The following NELL1 variants were observed in gnomAD, a reference collection of about 807,000 sequenced individuals.
NELL1 encodes neural EGFL like 1.
A neutral mutation model predicts 107.4 loss-of-function variants in NELL1; 76 were observed. That is an observed-to-expected ratio of 0.71 (90% CI 0.59 to 0.86). NELL1 has a LOEUF of 0.86. NELL1 is among the 40% of genes least tolerant of loss of function. The probability of loss-of-function intolerance (pLI) is 0.00; values close to 1 mark genes in which losing one functional copy is unlikely to be tolerated. For synonymous variants in NELL1, 353 were observed against 341.2 expected (o/e 1.03, Z -0.38); for missense variants, 1,024 against 1,005.5 (o/e 1.02, Z -0.25).
At chr11:21,171,118 T>C (rs1000937587) in intron 13 of NELL1, among the ~76,000 whole-genome samples, 1 of 151,858 alleles carries the variant, frequency 6.6e-6, no homozygotes, top group Non-Finnish European at 1.5e-5. Context: ...TTTCCTAATA[T>C]TCTGAAACAT....
At chr11:21,565,952 T>C (rs1230789763) in intron 17 of NELL1, among the ~76,000 whole-genome samples, 1 of 151,952 alleles carries the variant, frequency 6.6e-6, no homozygotes, top group Non-Finnish European at 1.5e-5. Flanking sequence ...AATAGGTGCG[T>C]CTAGATTACC....
Position 20,812,006 on chromosome 11 carries a change from T to C in NELL1, c.335+28176T>C, listed in dbSNP as rs753503483. On this transcript the variant is annotated intron_variant, in intron 3 of 19. Transcript: ENST00000357134. ...AAGTGGTGATAGATTGTCCAGATTA[T>C]CTTGTTCCAGATTGTAGAGAGAAAG... 1.5e-4 allele frequency among the ~76,000 whole-genome samples: 23 copies of C among 152,306 alleles called. No homozygotes were observed. In the South Asian group the frequency reaches 4.8e-3, roughly 32 times the overall value.
chr11:21,552,191 G>T (rs1161846378), intron 16 of NELL1, among the ~76,000 whole-genome samples: 1 of 150,230 alleles, frequency 6.7e-6, no homozygotes, highest in African/African-American at 2.4e-5. Context: ...AATGCTAAAT[G>T]ACGAGTTAAT....
intron 13 of NELL1, among the ~76,000 whole-genome samples, chr11:21,196,470 G>T (rs1196810854): frequency 6.6e-6 from 1 of 151,934 alleles, no homozygotes; most frequent in East Asian, 1.9e-4. Flanking sequence ...CATTCCTCTG[G>T]CTAGAATGCT....
intron 5 of NELL1, among the ~76,000 whole-genome samples, chr11:20,907,993 G>C (rs921627844): frequency 3.3e-5 from 5 of 152,004 alleles, no homozygotes; most frequent in African/African-American, 1.2e-4. Context: ...AAATCAAAAT[G>C]ATAATGAGAT....
chr11:21,326,541 T>C (rs1590839749), intron 14 of NELL1, among the ~76,000 whole-genome samples: 2 of 152,090 alleles, frequency 1.3e-5, no homozygotes, highest in Non-Finnish European at 2.9e-5. Flanking sequence ...GTTAAAAATA[T>C]CTTCTACATT....
intron 14 of NELL1, among the ~76,000 whole-genome samples, chr11:21,354,903 A>C (rs1285792117): frequency 6.6e-6 from 1 of 152,162 alleles, no homozygotes; most frequent in Non-Finnish European, 1.5e-5. Context: ...GTTGGCTCTG[A>C]TATAGCAGTG....
At chr11:21,480,899 G>T (rs1292951412) in intron 15 of NELL1, among the ~76,000 whole-genome samples, 1 of 152,140 alleles carries the variant, frequency 6.6e-6, no homozygotes, top group East Asian at 1.9e-4. Flanking sequence ...AGTTTTTACT[G>T]TTTTGCCTTT....
At chr11:21,560,497 C>T (rs1856823741) in intron 17 of NELL1, 115 bp downstream of exon 17, 3 of 895,372 alleles carry the variant, frequency 3.4e-6, no homozygotes, top group Non-Finnish European at 5.0e-6. Context: ...GAACAGGCTT[C>T]TCCTGTTCTT....
chr11:21,273,999 G>C (rs547250028), intron 14 of NELL1, among the ~76,000 whole-genome samples: 1 of 152,068 alleles, frequency 6.6e-6, no homozygotes, highest in African/African-American at 2.4e-5. Context: ...ATCAACTAAC[G>C]AGCAAAATAA....
intron 3 of NELL1, among the ~76,000 whole-genome samples, chr11:20,784,761 A>G (rs1289623232): frequency 5.3e-5 from 8 of 152,202 alleles, no homozygotes; most frequent in Non-Finnish European, 2.9e-5. Flanking sequence ...ATATTTATGA[A>G]GCACCTACTC....
At chr11:21,050,913 G>A (rs10833444) in intron 12 of NELL1, among the ~76,000 whole-genome samples, 58,398 of 151,844 alleles carry the variant, frequency 0.38, 14,167 homozygotes, top group African/African-American at 0.68. Context: ...CTGGCTCCCC[G>A]AGGTTGTCCT....
At chr11:21,083,786 C>T (rs1427139443) in intron 12 of NELL1, among the ~76,000 whole-genome samples, 1 of 152,138 alleles carries the variant, frequency 6.6e-6, no homozygotes, top group African/African-American at 2.4e-5. Flanking sequence ...ATTACTGTCC[C>T]TCACTGCATG....
chr11:21,056,693 AT>A (rs1232556001), intron 12 of NELL1, among the ~76,000 whole-genome samples: 1 of 152,140 alleles, frequency 6.6e-6, no homozygotes, highest in Non-Finnish European at 1.5e-5. Context: ...ATTACATTTC[AT>A]TTTTTATTAA....
At chr11:21,302,115 T>C (rs992978335) in intron 14 of NELL1, among the ~76,000 whole-genome samples, 1 of 152,054 alleles carries the variant, frequency 6.6e-6, no homozygotes. Context: ...GTTGTGGCTT[T>C]AAACAACAAA....
Position 20,703,911 on chromosome 11 carries a change from G to C in NELL1, c.184+25851G>C, listed in dbSNP as rs563489277. 1.2e-4 allele frequency among the ~76,000 whole-genome samples: 18 copies of C among 152,294 alleles called. No homozygotes were observed. The South Asian group carries it at 3.3e-3, about 28-fold the overall frequency. On this transcript the variant is annotated intron_variant, in intron 2 of 19. Transcript: ENST00000357134. The stretch of plus-strand genomic sequence containing the variant: ...TATTCTTTTACATTTGCTGAGGATT[G>C]CTTTACTTCCAACTATGTGGTCAAT...
intron 4 of NELL1, among the ~76,000 whole-genome samples, chr11:20,870,179 T>C (rs565175291): frequency 9.6e-4 from 146 of 152,238 alleles, no homozygotes; most frequent in Admixed American, 1.6e-3. Context: ...AAGGAAATAA[T>C]CCAGGAAAAG....
At chr11:20,685,772 G>T (rs1476677800) in intron 2 of NELL1, among the ~76,000 whole-genome samples, 1 of 152,056 alleles carries the variant, frequency 6.6e-6, no homozygotes, top group Non-Finnish European at 1.5e-5. Context: ...ATTGATGTCA[G>T]ATTTTAACCC....
At chr11:20,677,889 C>A in intron 1 of NELL1, 43 bp from the exon 2 acceptor site, 1 of 1,610,440 alleles carries the variant, frequency 6.2e-7, no homozygotes, top group Non-Finnish European at 8.5e-7. Context: ...ATGCTAGTAA[C>A]AGTCTGCATT....
Sources: allele counts gnomAD v4.1 joint callset (sites outside exome capture counted in the v4.1 genomes callset), GRCh38; gene constraint gnomAD v4.1.1; transcripts MANE v1.5; gene names NCBI Gene and HGNC (gene_info 2026-07-23, HGNC 2026-07-21).